MAGI1: variants seen among roughly 807,000 people sequenced by gnomAD.
The protein encoded by MAGI1 is membrane-associated guanylate kinase, WW and PDZ domain-containing protein 1.
A neutral mutation model predicts 139.9 loss-of-function variants in MAGI1; 58 were observed. The observed-to-expected ratio is 0.41, with a 90% CI of 0.34 to 0.52. The LOEUF (loss-of-function observed/expected upper bound fraction) is 0.52, where lower values mean the gene tolerates loss of function less well. Ranked by LOEUF, MAGI1 falls within the 20% of genes least tolerant of loss-of-function variation. The probability of loss-of-function intolerance (pLI) is 0.12; values close to 1 mark genes in which losing one functional copy is unlikely to be tolerated. For synonymous variants in MAGI1, 812 were observed against 737.9 expected (o/e 1.10, Z -1.63); for missense variants, 1,874 against 1,901.6 (o/e 0.99, Z 0.27).
At chr3:65,723,946 T>C (rs780024435) in intron 1 of MAGI1, among the ~76,000 whole-genome samples, 1 of 152,176 alleles carries the variant, frequency 6.6e-6, no homozygotes, top group Non-Finnish European at 1.5e-5. Flanking sequence ...AAAAATCTAC[T>C]AGGTGTACCT....
In MAGI1 at chr3:65,453,250, C is replaced by T; in HGVS notation, c.1042+8G>A. ...TTCACTTAACCCAAGACCTGCCTGG[C>T]CCCTTACCATCATCTTCACACTCTT... On this transcript the variant is annotated splice_region_variant and intron_variant, in intron 6 of 22. Transcript: ENST00000402939. The T allele has an allele frequency of 6.2e-7, 1 of 1,613,556 alleles. No homozygotes were observed. Among genetic ancestry groups the T allele is most frequent in the Non-Finnish European group, 8.5e-7 (1 of 1,179,734 alleles).
intron 2 of MAGI1, among the ~76,000 whole-genome samples, chr3:65,573,766 C>T (rs2081061166): frequency 1.3e-5 from 2 of 152,182 alleles, no homozygotes; most frequent in African/African-American, 4.8e-5. Flanking sequence ...AAATAAAAAG[C>T]ATTTAGAATA....
intron 1 of MAGI1, among the ~76,000 whole-genome samples, chr3:65,676,685 G>A (rs1339510763): frequency 6.6e-6 from 1 of 152,154 alleles, no homozygotes; most frequent in African/African-American, 2.4e-5. Context: ...AAGCTAAGCA[G>A]TGCAAAAAAT....
chr3:65,850,260 C>G (rs973516094), intron 1 of MAGI1, among the ~76,000 whole-genome samples: 1 of 152,122 alleles, frequency 6.6e-6, no homozygotes. Context: ...TTGCAGTATA[C>G]AAACTAGAAT....
At chr3:66,020,645 G>A (rs558489960) in intron 1 of MAGI1, among the ~76,000 whole-genome samples, 27 of 152,222 alleles carry the variant, frequency 1.8e-4, no homozygotes, top group African/African-American at 5.8e-4. Flanking sequence ...TAAGTTATAT[G>A]CATCAGTTCA....
At chr3:65,703,130 TC>T (rs2089729709) in intron 1 of MAGI1, among the ~76,000 whole-genome samples, 2 of 152,162 alleles carry the variant, frequency 1.3e-5, no homozygotes, top group African/African-American at 4.8e-5. Context: ...GATGCGCATC[TC>T]TCTACTGTTT....
At chr3:65,546,516 T>C (rs1486167763) in intron 2 of MAGI1, among the ~76,000 whole-genome samples, 1 of 152,206 alleles carries the variant, frequency 6.6e-6, no homozygotes, top group Non-Finnish European at 1.5e-5. Context: ...TAAAACACGT[T>C]CATCTATGTC....
At chr3:65,580,614 T>G (rs1473858340) in intron 2 of MAGI1, among the ~76,000 whole-genome samples, 1 of 152,186 alleles carries the variant, frequency 6.6e-6, no homozygotes, top group East Asian at 1.9e-4. Context: ...TTTGTGGTAT[T>G]TTCTGCACAT....
At chr3:65,436,385 T>A (rs1947856308) in intron 10 of MAGI1, among the ~76,000 whole-genome samples, 1 of 152,168 alleles carries the variant, frequency 6.6e-6, no homozygotes, top group Admixed American at 6.5e-5. Context: ...ATATTTTCTA[T>A]AATTTAAGAG....
At chr3:65,741,946 C>G (rs965630403) in intron 1 of MAGI1, among the ~76,000 whole-genome samples, 2 of 152,140 alleles carry the variant, frequency 1.3e-5, no homozygotes, top group African/African-American at 4.8e-5. Flanking sequence ...GAACTAGGTA[C>G]AGCCTAATGA....
chr3:65,567,411 C>G (rs1343670638), intron 2 of MAGI1, among the ~76,000 whole-genome samples: 2 of 151,686 alleles, frequency 1.3e-5, no homozygotes, highest in African/African-American at 4.8e-5. Flanking sequence ...TGGATAAAGA[C>G]CAGAAAATAG....
intron 1 of MAGI1, among the ~76,000 whole-genome samples, chr3:65,932,626 T>C (rs1229279901): frequency 6.6e-6 from 1 of 152,200 alleles, no homozygotes; most frequent in Non-Finnish European, 1.5e-5. Flanking sequence ...AAATTCTCTC[T>C]TTCCAGGAAG....
chr3:65,921,919 GACACACACACACACACAC>G (rs35532734), intron 1 of MAGI1, among the ~76,000 whole-genome samples: 1 of 140,744 alleles, frequency 7.1e-6, no homozygotes, highest in African/African-American at 2.7e-5. Flanking sequence ...CCACACACAC[GACACACACACACACACAC>G]ACACACACAC....
At chr3:65,930,981 C>G (rs1437073086) in intron 1 of MAGI1, among the ~76,000 whole-genome samples, 1 of 152,080 alleles carries the variant, frequency 6.6e-6, no homozygotes, top group Admixed American at 6.5e-5. Context: ...AGCCAACAAT[C>G]AGTCCATGCT....
At chr3:65,908,735 C>A (rs1312574707) in intron 1 of MAGI1, among the ~76,000 whole-genome samples, 1 of 152,190 alleles carries the variant, frequency 6.6e-6, no homozygotes, top group African/African-American at 2.4e-5. Flanking sequence ...GACTCCCTGG[C>A]CGACTTCCCC....
chr3:65,735,377 G>A (rs1338663997), intron 1 of MAGI1, among the ~76,000 whole-genome samples: 3 of 113,906 alleles, frequency 2.6e-5, no homozygotes, highest in Non-Finnish European at 5.5e-5. Context: ...GTGTGTGTGT[G>A]TACAGGAGAT....
At chr3:65,646,785 TAAAAC>T (rs1172262948) in intron 1 of MAGI1, among the ~76,000 whole-genome samples, 1 of 152,068 alleles carries the variant, frequency 6.6e-6, no homozygotes, top group African/African-American at 2.4e-5. Flanking sequence ...TCACACTTGT[TAAAAC>T]AAAACTCATG....
intron 1 of MAGI1, among the ~76,000 whole-genome samples, chr3:65,682,648 A>G (rs1306526359): frequency 6.6e-6 from 1 of 152,186 alleles, no homozygotes; most frequent in Non-Finnish European, 1.5e-5. Context: ...TTTTAAGAAG[A>G]AACTTAAGAA....
intron 12 of MAGI1, among the ~76,000 whole-genome samples, chr3:65,407,514 T>C (rs563849334): frequency 6.6e-6 from 1 of 151,490 alleles, no homozygotes; most frequent in East Asian, 1.9e-4. Flanking sequence ...AGATGTGTTA[T>C]ATCAATACGA....
Sources: gnomAD v4.1 joint callset for allele counts (sites outside exome capture counted in the v4.1 genomes callset) on GRCh38, gnomAD v4.1.1 for gene constraint, MANE v1.5 for transcripts, NCBI Gene and HGNC (gene_info 2026-07-23, HGNC 2026-07-21) for gene names.